Variants in PDSS1 observed in about 807,000 individuals in gnomAD.
PDSS1 encodes all trans-polyprenyl-diphosphate synthase PDSS1.
Under a neutral mutation model 57.5 loss-of-function variants are expected in PDSS1, and 43 were observed. The ratio of observed to expected loss-of-function variants is 0.75; its 90% CI spans 0.59 to 0.96. The LOEUF (loss-of-function observed/expected upper bound fraction) is 0.96. PDSS1 is among the 50% of genes least tolerant of loss of function. The pLI, the probability that PDSS1 is intolerant of heterozygous loss-of-function variation, is 0.00. For missense variants in PDSS1, 438 were observed against 527.8 expected (o/e 0.83, Z 1.67); for synonymous variants, 175 against 191.3 (o/e 0.91, Z 0.70).
intron 8 of PDSS1, chr10:26,734,734 C>T (rs1204807866): frequency 2.2e-6 from 1 of 455,934 alleles, no homozygotes; most frequent in Non-Finnish European, 4.4e-6. Context: ...GTGAAATTCC[C>T]AACGATGATG....
In PDSS1 at chr10:26,740,691, G is replaced by A. The variant is rs1442281338; in HGVS notation, c.1027-1806G>A. 6.6e-6 allele frequency: 3 copies of A among 456,690 alleles called. No homozygotes were observed. In the Admixed American group the frequency reaches 7.0e-5, roughly 11 times the overall value. The allele number at this position is 456,690 out of a possible 1,614,324, so 28.3% of individuals were successfully genotyped here. ...GGCAGCTGCTGTAAGCACTGACGTG[G>A]CCAAAATCAAACACATCTTACCTCT... On this transcript the variant is annotated intron_variant, in intron 10 of 11. Transcript: ENST00000376215.
At chr10:26,704,459 T>C (rs918166767) in intron 2 of PDSS1, among the ~76,000 whole-genome samples, 2 of 152,138 alleles carry the variant, frequency 1.3e-5, no homozygotes, top group Non-Finnish European at 2.9e-5. Flanking sequence ...CTGAAGATGG[T>C]TTTTATTTTC....
At chr10:26,732,263 C>G (rs1441085497) in intron 8 of PDSS1, among the ~76,000 whole-genome samples, 1 of 152,212 alleles carries the variant, frequency 6.6e-6, no homozygotes, top group African/African-American at 2.4e-5. Flanking sequence ...CTAGGCAGTA[C>G]TGACCTGGGA....
chr10:26,699,483 C>T (rs992566317), intron 1 of PDSS1, among the ~76,000 whole-genome samples: 4 of 151,824 alleles, frequency 2.6e-5, no homozygotes, highest in African/African-American at 9.7e-5. Flanking sequence ...CAAACTCCAC[C>T]TCCCAGGTTC....
chr10:26,716,596 G>A (rs1835590453), intron 5 of PDSS1, among the ~76,000 whole-genome samples: 1 of 151,996 alleles, frequency 6.6e-6, no homozygotes. Context: ...GGAGGCTCAG[G>A]CAGAAGAATC....
At chr10:26,704,474 T>C (rs1835147513) in intron 2 of PDSS1, among the ~76,000 whole-genome samples, 1 of 152,158 alleles carries the variant, frequency 6.6e-6, no homozygotes, top group South Asian at 2.1e-4. Flanking sequence ...ATTTTCTCCT[T>C]TTTTCTTATT....
chr10:26,727,079 C>CAAAAAA (rs1835978712), intron 8 of PDSS1, among the ~76,000 whole-genome samples: 1 of 151,158 alleles, frequency 6.6e-6, no homozygotes, highest in African/African-American at 2.4e-5. Flanking sequence ...ACAAACAAAC[C>CAAAAAA]AGAATTCATG....
At chr10:26,742,037 G>A (rs181901398) in intron 10 of PDSS1, among the ~76,000 whole-genome samples, 3 of 152,224 alleles carry the variant, frequency 2.0e-5, no homozygotes, top group African/African-American at 2.4e-5. Flanking sequence ...CATCATGCCC[G>A]GCTAATTTTT....
rs1836606596 is a variant in PDSS1, at chr10:26,741,505, C to T, written c.1027-992C>T. 4.0e-5 allele frequency among the ~76,000 whole-genome samples: 6 copies of T among 151,644 alleles called. No individual in the cohort carries two copies. The South Asian group carries it at 1.3e-3, about 32-fold the overall frequency. On this transcript the variant is annotated intron_variant, in intron 10 of 11. Transcript: ENST00000376215. ...CATCACAGGAGGGGGGGAAAAACAA[C>T]AAAAAAACAAAAAACACTCCCCAGC...
intron 8 of PDSS1, among the ~76,000 whole-genome samples, chr10:26,732,286 A>G (rs1232107747): frequency 6.6e-6 from 1 of 151,888 alleles, no homozygotes; most frequent in African/African-American, 2.4e-5. Context: ...GGGAAGCAGG[A>G]CTCTCTGGCA....
At chr10:26,731,218 G>A (rs558103328) in intron 8 of PDSS1, among the ~76,000 whole-genome samples, 39 of 152,246 alleles carry the variant, frequency 2.6e-4, no homozygotes, top group Middle Eastern at 3.4e-3. Flanking sequence ...GTGGGTGCCT[G>A]TAATCCCAGC....
chr10:26,726,328 T>C (rs530033510), intron 8 of PDSS1, among the ~76,000 whole-genome samples: 2 of 152,220 alleles, frequency 1.3e-5, no homozygotes, highest in African/African-American at 4.8e-5. Flanking sequence ...ACTACCTCCT[T>C]TTCATGTGGT....
At chr10:26,744,610 C>T (rs1018845458) in intron 11 of PDSS1, among the ~76,000 whole-genome samples, 23 of 152,040 alleles carry the variant, frequency 1.5e-4, no homozygotes, top group Middle Eastern at 3.4e-3. Context: ...ATTATGGTCT[C>T]GATCTTGACG....
intron 6 of PDSS1, among the ~76,000 whole-genome samples, chr10:26,721,298 CAA>C (rs60684682): frequency 6.0e-4 from 79 of 131,520 alleles, no homozygotes; most frequent in Middle Eastern, 3.9e-3. Flanking sequence ...GACTCCATTT[CAA>C]AAAAAAAAAA....
chr10:26,731,469 A>C (rs1245640838), intron 8 of PDSS1, among the ~76,000 whole-genome samples: 4 of 152,238 alleles, frequency 2.6e-5, no homozygotes, highest in Admixed American at 1.3e-4. Flanking sequence ...CCAGTTTTAC[A>C]ATTACAAACA....
intron 8 of PDSS1, among the ~76,000 whole-genome samples, chr10:26,730,079 A>AT (rs1431293585): frequency 6.6e-6 from 1 of 151,160 alleles, no homozygotes; most frequent in Non-Finnish European, 1.5e-5. Flanking sequence ...CGCCCGGCTA[A>AT]TTTTTTGTAT....
At chr10:26,714,538 G>A (rs1835502046) in intron 5 of PDSS1, 1 of 151,936 alleles carries the variant, frequency 6.6e-6, no homozygotes, top group Non-Finnish European at 1.5e-5. Flanking sequence ...CTCACTGAAT[G>A]CAGCACAGTT....
intron 8 of PDSS1, chr10:26,734,846 C>T (rs572280391): frequency 3.4e-5 from 15 of 439,578 alleles, no homozygotes; most frequent in South Asian, 1.6e-4. Flanking sequence ...CAACAGTAAT[C>T]GGGCTAGCTT....
intron 11 of PDSS1, 135 bp from the exon 12 acceptor site, chr10:26,746,198 A>G (rs1294608490): frequency 5.4e-6 from 5 of 933,666 alleles, no homozygotes; most frequent in Non-Finnish European, 8.6e-6. Flanking sequence ...AACATTAGAG[A>G]TGTAGTTTGA....
Sources: gnomAD v4.1 joint callset for allele counts (sites outside exome capture counted in the v4.1 genomes callset) on GRCh38, gnomAD v4.1.1 for gene constraint, MANE v1.5 for transcripts, NCBI Gene and HGNC (gene_info 2026-07-23, HGNC 2026-07-21) for gene names.